The following HS6ST3 variants were observed in gnomAD, a reference collection of about 807,000 sequenced individuals.
The protein encoded by HS6ST3 is heparan-sulfate 6-O-sulfotransferase 3.
In HS6ST3, 12 loss-of-function variants were observed where a neutral mutation model predicts 36.7. The observed-to-expected ratio is 0.33, with a 90% confidence interval of 0.21 to 0.53. The LOEUF is 0.53. HS6ST3 is among the 20% of genes least tolerant of loss of function. The probability of loss-of-function intolerance (pLI) is 0.95; values close to 1 mark genes in which losing one functional copy is unlikely to be tolerated. For missense variants in HS6ST3, 584 were observed against 640.9 expected, an observed-to-expected ratio of 0.91 and a Z score of 0.96; for synonymous variants, 240 against 257.5, an observed-to-expected ratio of 0.93 and a Z score of 0.65.
chr13:96,672,356 GCCTGT>G lies in HS6ST3; in HGVS notation c.708-160132_708-160128del, dbSNP rs1160421978. 4.6e-5 allele frequency among the ~76,000 whole-genome samples: 7 copies of G among 152,108 alleles called. No individual in the cohort carries two copies. The East Asian group carries it at 1.4e-3, about 29-fold the overall frequency. On this transcript the variant is annotated intron_variant, in intron 1 of 1. Coordinates refer to ENST00000376705, the MANE Select transcript of HS6ST3 (RefSeq NM_153456.4). The stretch of plus-strand genomic sequence containing the variant: ...CTTTGTTACTTTGCTTAATTTTTGT[GCCTGT>G]CACTAATTCATCCCCAAACATTCTC...
At chr13:96,205,549 C>T (rs2139353954) in intron 1 of HS6ST3, among the ~76,000 whole-genome samples, 1 of 152,268 alleles carries the variant, frequency 6.6e-6, no homozygotes, top group Middle Eastern at 3.4e-3. Flanking sequence ...GGCCAATATC[C>T]TTGATGAGCA....
At chr13:96,351,565 A>G (rs1367222202) in intron 1 of HS6ST3, among the ~76,000 whole-genome samples, 1 of 151,946 alleles carries the variant, frequency 6.6e-6, no homozygotes, top group Non-Finnish European at 1.5e-5. Context: ...GCCGACCTTA[A>G]CCTCCCAAAG....
intron 1 of HS6ST3, among the ~76,000 whole-genome samples, chr13:96,605,191 T>C (rs1372808533): frequency 6.6e-6 from 1 of 152,130 alleles, no homozygotes; most frequent in Non-Finnish European, 1.5e-5. Flanking sequence ...TACCTATCAG[T>C]GGAGATATAT....
chr13:96,189,694 T>C (rs1010624153), intron 1 of HS6ST3, among the ~76,000 whole-genome samples: 2 of 152,196 alleles, frequency 1.3e-5, no homozygotes, highest in African/African-American at 4.8e-5. Context: ...GGATTGGCTG[T>C]GGCTTTTGCC....
At chr13:96,800,246 T>C (rs1878035298) in intron 1 of HS6ST3, among the ~76,000 whole-genome samples, 1 of 151,206 alleles carries the variant, frequency 6.6e-6, no homozygotes, top group African/African-American at 2.4e-5. Flanking sequence ...TATTATGTGT[T>C]ATGTGTCAGT....
At chr13:96,670,392 A>G (rs559192999) in intron 1 of HS6ST3, among the ~76,000 whole-genome samples, 2 of 152,270 alleles carry the variant, frequency 1.3e-5, no homozygotes, top group African/African-American at 4.8e-5. Flanking sequence ...TGGGAGTTTA[A>G]TGTAAAGAGG....
At chr13:96,759,442 G>A (rs1008992079) in intron 1 of HS6ST3, among the ~76,000 whole-genome samples, 2 of 151,388 alleles carry the variant, frequency 1.3e-5, no homozygotes, top group Non-Finnish European at 3.0e-5. Flanking sequence ...TATACCTTTT[G>A]TGTGTTTTAT....
At chr13:96,588,010 C>A (rs2056368278) in intron 1 of HS6ST3, among the ~76,000 whole-genome samples, 2 of 152,016 alleles carry the variant, frequency 1.3e-5, no homozygotes, top group Admixed American at 1.3e-4. Context: ...TGTTTTGATG[C>A]TATTTTGAAT....
At chr13:96,436,995 T>A (rs988993770) in intron 1 of HS6ST3, among the ~76,000 whole-genome samples, 1 of 152,188 alleles carries the variant, frequency 6.6e-6, no homozygotes, top group African/African-American at 2.4e-5. Flanking sequence ...CTTTTAACCC[T>A]TCTGGCTTTC....
chr13:96,254,472 T>A (rs1362965982), intron 1 of HS6ST3, among the ~76,000 whole-genome samples: 3 of 8,248 alleles, frequency 3.6e-4, no homozygotes, highest in African/African-American at 5.6e-4. Context: ...TATATATATA[T>A]ATATATATAT....
At chr13:96,754,021 G>T (rs187694873) in intron 1 of HS6ST3, among the ~76,000 whole-genome samples, 1 of 152,046 alleles carries the variant, frequency 6.6e-6, no homozygotes, top group African/African-American at 2.4e-5. Context: ...GTTTCACCAT[G>T]TTGGCCAGGC....
At chr13:96,452,860 A>G (rs377696389) in intron 1 of HS6ST3, among the ~76,000 whole-genome samples, 1 of 152,086 alleles carries the variant, frequency 6.6e-6, no homozygotes, top group African/African-American at 2.4e-5. Context: ...TTTCTACCCT[A>G]CTACCTGGGA....
chr13:96,117,610 C>T (rs1480983501), intron 1 of HS6ST3, among the ~76,000 whole-genome samples: 1 of 152,066 alleles, frequency 6.6e-6, no homozygotes, highest in Non-Finnish European at 1.5e-5. Flanking sequence ...TGAATGACTG[C>T]AGCACATGGA....
chr13:96,710,996 G>A (rs142086951), intron 1 of HS6ST3, among the ~76,000 whole-genome samples: 68 of 152,314 alleles, frequency 4.5e-4, no homozygotes, highest in African/African-American at 1.4e-3. Context: ...TGATGATTCC[G>A]TGCCTCAACT....
At chr13:96,148,746 A>G (rs566230750) in intron 1 of HS6ST3, among the ~76,000 whole-genome samples, 45 of 152,362 alleles carry the variant, frequency 3.0e-4, no homozygotes, top group African/African-American at 1.0e-3. Context: ...TGAAGAGAAC[A>G]GGATGAAACC....
At chr13:96,464,562 G>C (rs1385168673) in intron 1 of HS6ST3, among the ~76,000 whole-genome samples, 1 of 151,892 alleles carries the variant, frequency 6.6e-6, no homozygotes, top group Non-Finnish European at 1.5e-5. Flanking sequence ...TTGCTAAAAA[G>C]TGGAAACAAA....
Position 96,606,617 on chromosome 13 carries a change from G to A in HS6ST3, c.708-225873G>A, listed in dbSNP as rs1050459339. Among the ~76,000 whole-genome samples, 652 of 138,314 alleles carry A rather than the reference G, an allele frequency of 4.7e-3. 7 individuals carry two copies. Among genetic ancestry groups the A allele is most frequent in the African/African-American group, 0.016 (598 of 37,936 alleles). The allele number at this position is 138,314 out of a possible 152,430, so 90.7% of individuals were successfully genotyped here. A position where few individuals can be genotyped will look rare whatever the true frequency, so the allele number is the denominator to read the frequency against. Reference sequence around the variant, plus strand: ...ACAGAGGGAGGGAGGGAGGGAGGGAGGGAGGGAGGGAGGGAGGGAGGGCTG... The same window carrying A: ...ACAGAGGGAGGGAGGGAGGGAGGGAAGGAGGGAGGGAGGGAGGGAGGGCTG... On this transcript the variant is annotated intron_variant, in intron 1 of 1. Coordinates refer to ENST00000376705, the MANE Select transcript of HS6ST3 (RefSeq NM_153456.4).
chr13:96,323,875 A>T (rs1038322131), intron 1 of HS6ST3, among the ~76,000 whole-genome samples: 3 of 152,184 alleles, frequency 2.0e-5, no homozygotes, highest in Non-Finnish European at 4.4e-5. Context: ...ATTTTTGTCC[A>T]TTTCGTTCAG....
intron 1 of HS6ST3, among the ~76,000 whole-genome samples, chr13:96,270,858 C>T (rs1163074027): frequency 2.0e-5 from 3 of 151,860 alleles, no homozygotes; most frequent in Non-Finnish European, 4.4e-5. Flanking sequence ...AGATCTTTCC[C>T]TCCTCACAGA....
Sources: gnomAD v4.1 joint callset for allele counts (sites outside exome capture counted in the v4.1 genomes callset) on GRCh38, gnomAD v4.1.1 for gene constraint, MANE v1.5 for transcripts, NCBI Gene and HGNC (gene_info 2026-07-23, HGNC 2026-07-21) for gene names.